The following EEF1E1 variants were observed in gnomAD, a reference collection of about 807,000 sequenced individuals.
EEF1E1 encodes the protein eukaryotic translation elongation factor 1 epsilon 1.
EEF1E1 carries 19 observed loss-of-function variants against 19.9 expected under a neutral mutation model. The ratio of observed to expected loss-of-function variants is 0.95; its 90% CI spans 0.66 to 1.40. EEF1E1 has a LOEUF of 1.40. EEF1E1 is among the 40% of genes most tolerant of loss of function. The pLI is 0.00. For synonymous variants in EEF1E1, 81 were observed against 80.0 expected (o/e 1.01, Z -0.07); for missense variants, 198 against 202.2 (o/e 0.98, Z 0.13).
At chr6:8,090,537 A>G (rs1195490176) in intron 2 of EEF1E1, among the ~76,000 whole-genome samples, 1 of 152,240 alleles carries the variant, frequency 6.6e-6, no homozygotes, top group African/African-American at 2.4e-5. Context: ...AGTGCCATCT[A>G]TGATCATGTT....
intron 2 of EEF1E1, among the ~76,000 whole-genome samples, 181 bp from the exon 3 acceptor site, chr6:8,090,462 TA>T (rs1207856001): frequency 6.6e-6 from 1 of 152,156 alleles, no homozygotes; most frequent in Non-Finnish European, 1.5e-5. Flanking sequence ...CACCTCATTT[TA>T]AAAAAATTGG....
downstream of EEF1E1, chr6:8,078,863 A>T: frequency 9.2e-7 from 1 of 1,089,814 alleles, no homozygotes; most frequent in South Asian, 1.9e-5. Flanking sequence ...AAAGTAAGAA[A>T]ATATGATTGA....
At chr6:8,085,471 A>G (rs977084881) in intron 3 of EEF1E1, among the ~76,000 whole-genome samples, 1 of 152,210 alleles carries the variant, frequency 6.6e-6, no homozygotes, top group African/African-American at 2.4e-5. Flanking sequence ...GCTAATCTCA[A>G]TAAGCATTTA....
chr6:8,096,915 T>C (rs374162157), intron 2 of EEF1E1, among the ~76,000 whole-genome samples: 1 of 152,274 alleles, frequency 6.6e-6, no homozygotes, highest in African/African-American at 2.4e-5. Flanking sequence ...AGAATCGGGA[T>C]TGTCGAGTGG....
downstream of EEF1E1, chr6:8,079,357 T>A: frequency 1.0e-6 from 1 of 965,566 alleles, no homozygotes; most frequent in Non-Finnish European, 1.2e-6. Flanking sequence ...TTCACCCCAA[T>A]GAGTACTGAC....
chr6:8,078,054 G>A (rs564867486), downstream of EEF1E1, among the ~76,000 whole-genome samples: 24 of 152,298 alleles, frequency 1.6e-4, no homozygotes, highest in Admixed American at 7.2e-4. Context: ...TGGGATTATA[G>A]GCATGAGCCA....
At chr6:8,085,645 C>G (rs12197549) in intron 3 of EEF1E1, among the ~76,000 whole-genome samples, 29,596 of 152,164 alleles carry the variant, frequency 0.19, 3,318 homozygotes, top group Non-Finnish European at 0.26. Context: ...TAATAGGCCT[C>G]CTTTCACAGC....
chr6:8,075,343 C>T (rs150242653), downstream of EEF1E1, among the ~76,000 whole-genome samples: 2,150 of 152,216 alleles, frequency 0.014, 48 homozygotes, highest in African/African-American at 0.049. Context: ...AAATACATCA[C>T]GTAAAAACTG....
At chr6:8,079,344 A>T, downstream of EEF1E1, 1 of 920,780 alleles carries the variant, frequency 1.1e-6, no homozygotes, top group Non-Finnish European at 1.3e-6. Flanking sequence ...TTCAGTAGTT[A>T]GTTTCACCCC....
In EEF1E1 at chr6:8,102,505, T is replaced by C; in HGVS notation, c.17A>G (p.Glu6Gly). The C allele has an allele frequency of 1.2e-6, 2 of 1,611,436 alleles. No homozygotes were observed. The highest frequency in any genetic ancestry group is 1.7e-6 in the Non-Finnish European group (2 of 1,179,968). Residue 6 changes from glutamate (E) to glycine (G), a missense_variant, in exon 1 of 4, where the codon GAG becomes GGG. By Grantham distance (98) the Glu-to-Gly change is moderately conservative. Coordinates refer to ENST00000379715, the MANE Select transcript of EEF1E1 (RefSeq NM_004280.5). MAAAA[E>G]LSLLEKSLGL... ...CAGGGACTTCTCCAGTAGCGACAAC[T>C]CTGCGGCCGCCGCCATCTTCCGGCC... is the stretch of plus-strand genomic sequence containing the variant.
At chr6:8,090,670 C>T (rs899676439) in intron 2 of EEF1E1, among the ~76,000 whole-genome samples, 1 of 152,160 alleles carries the variant, frequency 6.6e-6, no homozygotes, top group Non-Finnish European at 1.5e-5. Flanking sequence ...TTCTAAGAAA[C>T]TCTATATCCA....
intron 3 of EEF1E1, among the ~76,000 whole-genome samples, chr6:8,081,517 C>T (rs773853460): frequency 4.6e-5 from 7 of 152,160 alleles, no homozygotes; most frequent in Non-Finnish European, 7.3e-5. Flanking sequence ...TTTTCATAGG[C>T]AGCACTTAAT....
Position 8,102,464 on chromosome 6 carries a change from T to G in EEF1E1, c.58A>C (p.Asn20His). The G allele has an allele frequency of 6.2e-7, 1 of 1,612,620 alleles. No homozygotes were observed. Among genetic ancestry groups the G allele is most frequent in the Non-Finnish European group, 8.5e-7 (1 of 1,179,928 alleles). The change falls in exon 1 of 4, where the codon AAT (asparagine) becomes CAT (histidine). Residue 20 changes from asparagine (N) to histidine (H), a missense_variant. Asn to His is a moderately conservative substitution (Grantham distance 68). Coordinates refer to ENST00000379715, the MANE Select transcript of EEF1E1 (RefSeq NM_004280.5). ...LEKSLGLSKG[N>H]KYSAQGERQI... ...CGCTCGCCCTGAGCACTGTATTTAT[T>G]CCCCTTACTCAGTCCCAGGGACTTC...
At chr6:8,088,756 G>A (rs1209242547) in intron 3 of EEF1E1, among the ~76,000 whole-genome samples, 1 of 152,204 alleles carries the variant, frequency 6.6e-6, no homozygotes, top group African/African-American at 2.4e-5. Context: ...CTGAGACCAG[G>A]AAAAGGAGAC....
At chr6:8,101,749 C>G (rs1232790831) in intron 1 of EEF1E1, 51 of 1,288,838 alleles carry the variant, frequency 4.0e-5, no homozygotes, top group Non-Finnish European at 4.9e-5. Context: ...CAGTGCCTAA[C>G]CAGGCAATCT....
At chr6:8,076,997 C>T (rs1312961334), downstream of EEF1E1, among the ~76,000 whole-genome samples, 14 of 53,436 alleles carry the variant, frequency 2.6e-4, no homozygotes, top group East Asian at 1.5e-3. Context: ...GGCTGGAGTG[C>T]AGTGGCAGCG....
rs190864400 is a variant in EEF1E1 at position 8,097,528 on chromosome 6, T to G, written c.88-61A>C. 318 of 1,387,374 alleles carry G rather than the reference T, an allele frequency of 2.3e-4. 3 individuals are homozygous for G. In the African/African-American group the frequency reaches 3.2e-3, roughly 14 times the overall value. The allele number at this position is 1,387,374 out of a possible 1,614,324, so 85.9% of individuals were successfully genotyped here. A position where few individuals can be genotyped will look rare whatever the true frequency, so the allele number is the denominator to read the frequency against. On this transcript the variant is annotated intron_variant, in intron 1 of 3. Coordinates refer to ENST00000379715, the MANE Select transcript of EEF1E1 (RefSeq NM_004280.5). ...ACAAGGACCACATCATGATTATAAC[T>G]TCTAAGTAACCACGAAATCCCTCAA...
At chr6:8,101,424 GA>G (rs1758361915) in intron 1 of EEF1E1, among the ~76,000 whole-genome samples, 1 of 150,356 alleles carries the variant, frequency 6.7e-6, no homozygotes, top group Non-Finnish European at 1.5e-5. Context: ...TGGGGCAGAG[GA>G]AACACCAAAA....
At chr6:8,088,653 T>C (rs917669642) in intron 3 of EEF1E1, among the ~76,000 whole-genome samples, 3 of 152,192 alleles carry the variant, frequency 2.0e-5, no homozygotes, top group Admixed American at 6.5e-5. Context: ...AAACCCTTTT[T>C]CCTGTATATA....
Sources: allele counts gnomAD v4.1 joint callset (sites outside exome capture counted in the v4.1 genomes callset), GRCh38; gene constraint gnomAD v4.1.1; transcripts MANE v1.5; gene names NCBI Gene and HGNC (gene_info 2026-07-23, HGNC 2026-07-21).